The following GRID1 variants were observed in gnomAD, a reference collection of about 807,000 sequenced individuals.
GRID1 encodes the protein glutamate ionotropic receptor delta type subunit 1, also known as glutamate receptor ionotropic, delta-1.
GRID1 carries 28 observed loss-of-function variants against 98.0 expected under a neutral mutation model. The observed-to-expected ratio is 0.29, with a 90% CI of 0.21 to 0.39. GRID1 has a LOEUF of 0.39. GRID1 is among the 10% of genes least tolerant of loss of function. GRID1 has a pLI of 1.00. For synonymous variants in GRID1, 553 were observed against 538.5 expected (o/e 1.03, Z -0.37); for missense variants, 1,111 against 1,340.5 (o/e 0.83, Z 2.67).
intron 2 of GRID1, among the ~76,000 whole-genome samples, chr10:86,315,050 C>G (rs2353276): frequency 6.6e-6 from 1 of 152,094 alleles, no homozygotes; most frequent in South Asian, 2.1e-4. Flanking sequence ...GTGCCGCACC[C>G]AGTTCAGAGC....
At chr10:85,770,916 G>T (rs1842258334) in intron 8 of GRID1, among the ~76,000 whole-genome samples, 1 of 152,222 alleles carries the variant, frequency 6.6e-6, no homozygotes, top group Non-Finnish European at 1.5e-5. Flanking sequence ...GTATTATCCA[G>T]GAGAACCCCA....
At chr10:85,608,779 A>G (rs1842700837) in intron 15 of GRID1, among the ~76,000 whole-genome samples, 1 of 152,158 alleles carries the variant, frequency 6.6e-6, no homozygotes, top group African/African-American at 2.4e-5. Flanking sequence ...AGGCTTTGCC[A>G]AGTGATCTGG....
chr10:86,321,798 C>A (rs1847974861), intron 2 of GRID1, among the ~76,000 whole-genome samples: 1 of 152,064 alleles, frequency 6.6e-6, no homozygotes, highest in Admixed American at 6.5e-5. Context: ...GAGCCCATAC[C>A]CAAAGACTGG....
intron 12 of GRID1, among the ~76,000 whole-genome samples, chr10:85,716,307 A>C (rs1841638725): frequency 6.6e-6 from 1 of 152,188 alleles, no homozygotes; most frequent in Non-Finnish European, 1.5e-5. Context: ...AACTATCGCA[A>C]GGACAAAAAA....
chr10:85,929,446 A>G (rs940368413), intron 4 of GRID1, among the ~76,000 whole-genome samples: 1 of 152,212 alleles, frequency 6.6e-6, no homozygotes, highest in African/African-American at 2.4e-5. Flanking sequence ...CTGTGAGTTG[A>G]CCAGTGTCAT....
At chr10:86,288,473 T>C (rs1316214419) in intron 2 of GRID1, among the ~76,000 whole-genome samples, 2 of 152,236 alleles carry the variant, frequency 1.3e-5, no homozygotes, top group Non-Finnish European at 2.9e-5. Flanking sequence ...CACACTGCTA[T>C]TCTAGAATGT....
chr10:85,873,451 T>C (rs1223102936), intron 5 of GRID1, among the ~76,000 whole-genome samples: 1 of 152,238 alleles, frequency 6.6e-6, no homozygotes, highest in African/African-American at 2.4e-5. Context: ...CTTTTGTATT[T>C]TATTACTTTT....
rs117061133 is a variant in GRID1 at position 85,602,922 on chromosome 10, T to G, written c.2602-221A>C. Among the ~76,000 whole-genome samples, 290 of 152,302 alleles carry G rather than the reference T, an allele frequency of 1.9e-3. 3 individuals carry two copies. In the East Asian group the frequency reaches 0.047, roughly 25 times the overall value. On this transcript the variant is annotated intron_variant, in intron 15 of 15. Coordinates refer to ENST00000327946, the MANE Select transcript of GRID1 (RefSeq NM_017551.3). ...CATGATCCCTATGTAGCAAAGAAGA[T>G]GCCATCAACAGGCCTTGGCTGCATC... is the stretch of plus-strand genomic sequence containing the variant.
chr10:86,143,817 G>T (rs373355581), intron 3 of GRID1, among the ~76,000 whole-genome samples: 6 of 152,216 alleles, frequency 3.9e-5, no homozygotes, highest in Non-Finnish European at 8.8e-5. Context: ...GGAGTCCTGC[G>T]CCTTAGAGAA....
At chr10:86,073,643 G>A (rs988435133) in intron 4 of GRID1, among the ~76,000 whole-genome samples, 9 of 152,194 alleles carry the variant, frequency 5.9e-5, no homozygotes, top group African/African-American at 1.7e-4. Context: ...ACAACTAAGG[G>A]CACTCTCAAG....
chr10:85,708,197 G>T lies in GRID1; in HGVS notation c.1997+14806C>A, dbSNP rs569084263. Among the ~76,000 whole-genome samples, 243 of 150,438 alleles carry T rather than the reference G, an allele frequency of 1.6e-3. 1 individual carries two copies. Among genetic ancestry groups the T allele is most frequent in the African/African-American group, 5.4e-3 (222 of 41,076 alleles). ...AGGTGGGCGGATCACGAGGTCAGGA[G>T]ATCGAGACCAACCTGGCTAACACAG... On this transcript the variant is annotated intron_variant, in intron 12 of 15. Coordinates refer to ENST00000327946, the MANE Select transcript of GRID1 (RefSeq NM_017551.3).
chr10:86,021,149 G>A (rs888404407), intron 4 of GRID1, among the ~76,000 whole-genome samples: 1 of 152,112 alleles, frequency 6.6e-6, no homozygotes, highest in East Asian at 1.9e-4. Context: ...GAATCCACTT[G>A]CAATTGCAGG....
chr10:85,820,638 A>C (rs1842761495), intron 8 of GRID1, among the ~76,000 whole-genome samples: 1 of 152,222 alleles, frequency 6.6e-6, no homozygotes, highest in Non-Finnish European at 1.5e-5. Flanking sequence ...AAGTACATCA[A>C]ATAATTATTT....
At chr10:86,322,571 C>G (rs1342408783) in intron 2 of GRID1, among the ~76,000 whole-genome samples, 3 of 151,792 alleles carry the variant, frequency 2.0e-5, no homozygotes. Context: ...TCACCATGCC[C>G]AGCTAATTTT....
At chr10:85,868,947 T>C in intron 6 of GRID1, 63 bp downstream of exon 6, 1 of 1,436,006 alleles carries the variant, frequency 7.0e-7, no homozygotes, top group Non-Finnish European at 9.8e-7. Context: ...ATGTCTCCCT[T>C]GGCCAAGGGT....
intron 8 of GRID1, among the ~76,000 whole-genome samples, chr10:85,783,273 C>G (rs1842396682): frequency 6.6e-6 from 1 of 152,136 alleles, no homozygotes; most frequent in African/African-American, 2.4e-5. Flanking sequence ...CTTCCCAGAC[C>G]CTGTTTCTTA....
intron 4 of GRID1, among the ~76,000 whole-genome samples, chr10:85,988,202 C>T (rs904480950): frequency 6.6e-6 from 1 of 152,126 alleles, no homozygotes; most frequent in African/African-American, 2.4e-5. Context: ...TCTCCCAATA[C>T]CCTGCATTTT....
chr10:86,059,195 C>A (rs943480242), intron 4 of GRID1, among the ~76,000 whole-genome samples: 10 of 152,150 alleles, frequency 6.6e-5, no homozygotes, highest in Non-Finnish European at 1.5e-4. Context: ...TGCGGCTGGT[C>A]CACAAGCGTT....
intron 4 of GRID1, among the ~76,000 whole-genome samples, chr10:85,927,545 T>C (rs866893952): frequency 2.0e-5 from 3 of 151,332 alleles, no homozygotes; most frequent in South Asian, 4.2e-4. Context: ...AAGTTGGAGA[T>C]ATACTGCACT....
Sources: gnomAD v4.1 joint callset for allele counts (sites outside exome capture counted in the v4.1 genomes callset) on GRCh38, gnomAD v4.1.1 for gene constraint, MANE v1.5 for transcripts, NCBI Gene and HGNC (gene_info 2026-07-23, HGNC 2026-07-21) for gene names.